The following SPTBN1 variants were observed in gnomAD, a reference collection of about 807,000 sequenced individuals.
SPTBN1 encodes the protein spectrin beta chain, non-erythrocytic 1.
Under a neutral mutation model 266.4 loss-of-function variants are expected in SPTBN1, and 32 were observed. That is an observed-to-expected ratio of 0.12 (90% CI 0.09 to 0.16). The LOEUF is 0.16. Among genes scored for constraint, SPTBN1 ranks in the 10% least tolerant of loss-of-function variants. SPTBN1 has a pLI of 1.00. For synonymous variants in SPTBN1, 1,336 were observed against 1,162.2 expected (o/e 1.15, Z -3.04); for missense variants, 2,296 against 3,067.1 (o/e 0.75, Z 5.94).
At chr2:54,491,122 G>C (rs1339218775) in intron 1 of SPTBN1, among the ~76,000 whole-genome samples, 1 of 152,166 alleles carries the variant, frequency 6.6e-6, no homozygotes, top group African/African-American at 2.4e-5. Flanking sequence ...CAATAATTTG[G>C]TTAAGAAACT....
Position 54,670,343 on chromosome 2 carries a change from T to A in SPTBN1, c.*1774T>A. 5.7e-6 allele frequency: 1 copy of A among 176,668 alleles called. No individual in the cohort carries two copies. The highest frequency in any genetic ancestry group is 1.2e-5 in the Non-Finnish European group (1 of 84,600). 10.9% of individuals were successfully genotyped at this position (176,668 alleles called of 1,614,324 possible). The stretch of plus-strand genomic sequence containing the variant: ...TCTGGGTATGTTGACTCCATGCCAC[T>A]TGCATAAAGCAGCAATGGATATTAG... On this transcript the variant is annotated 3_prime_UTR_variant, in exon 36 of 36. Transcript: ENST00000356805.
At chr2:54,634,770 CAGGAAGTTTCCTG>C (rs1259952195) in intron 17 of SPTBN1, among the ~76,000 whole-genome samples, 1 of 152,226 alleles carries the variant, frequency 6.6e-6, no homozygotes, top group Admixed American at 6.5e-5. Context: ...TGCTTACGTT[CAGGAAGTTTCCTG>C]AGTTGTTGAA....
chr2:54,589,829 T>C (rs1403092968), intron 2 of SPTBN1, among the ~76,000 whole-genome samples: 1 of 152,216 alleles, frequency 6.6e-6, no homozygotes, highest in African/African-American at 2.4e-5. Flanking sequence ...GGGAAATGAT[T>C]TATTTATTTT....
intron 2 of SPTBN1, among the ~76,000 whole-genome samples, chr2:54,598,403 G>A (rs1676247307): frequency 2.0e-5 from 3 of 152,070 alleles, no homozygotes; most frequent in Admixed American, 2.0e-4. Context: ...CTGCTTTCCC[G>A]ATGCCTGCAA....
rs1558775035 is a variant in SPTBN1, at chr2:54,492,338, G to GGTTTTTTTTT, written c.-47-34034_-47-34033insGTTTTTTTTT. On this transcript the variant is annotated intron_variant, in intron 1 of 35. Transcript: ENST00000356805. Reference sequence around the variant, plus strand: ...TTACTGGACATTTAGTTTGTCTGCAGTTGTTTTTTTGTTTTTTTTTTTTTT... The same window carrying GGTTTTTTTTT: ...TTACTGGACATTTAGTTTGTCTGCAGGTTTTTTTTTTTGTTTTTTTGTTTTTTTTTTTTTT... Among the ~76,000 whole-genome samples the GGTTTTTTTTT allele has an allele frequency of 1.6e-4, 19 of 118,112 alleles. 6 individuals are homozygous for GGTTTTTTTTT. The highest frequency in any genetic ancestry group is 5.2e-5 in the Non-Finnish European group (3 of 58,052). 77.5% of individuals were successfully genotyped at this position (118,112 alleles called of 152,430 possible).
intron 3 of SPTBN1, among the ~76,000 whole-genome samples, chr2:54,611,063 G>A (rs1677175461): frequency 6.7e-6 from 1 of 150,362 alleles, no homozygotes; most frequent in African/African-American, 2.4e-5. Context: ...CTCAAATGGT[G>A]CCATTACAAT....
chr2:54,659,008 C>G, intron 30 of SPTBN1, 146 bp from the exon 31 acceptor site: 1 of 759,756 alleles, frequency 1.3e-6, no homozygotes, highest in South Asian at 1.7e-5. Context: ...GAACCTAATT[C>G]CATTTGGCTC....
intron 1 of SPTBN1, among the ~76,000 whole-genome samples, chr2:54,461,542 GC>G (rs1693370040): frequency 6.6e-6 from 1 of 152,200 alleles, no homozygotes; most frequent in Non-Finnish European, 1.5e-5. Context: ...TTTTTACAAA[GC>G]GATTATGTTG....
At position 54,667,740 on chromosome 2, in the gene SPTBN1, G is replaced by A. The variant is rs1681457009; in HGVS notation, c.6876+94G>A. On this transcript the variant is annotated intron_variant, in intron 35 of 35. Transcript: ENST00000356805. ...TATTCAGAAAGTTCTTCATGTAAAT[G>A]ATGATCAGTGATGGTTTCTATCACT... 7.1e-6 allele frequency: 8 copies of A among 1,122,456 alleles called. No individual in the cohort carries two copies. The South Asian group carries it at 1.0e-4, about 15-fold the overall frequency. 69.5% of individuals were successfully genotyped at this position (1,122,456 alleles called of 1,614,324 possible).
At chr2:54,488,909 GTTA>G (rs1668546102) in intron 1 of SPTBN1, among the ~76,000 whole-genome samples, 1 of 152,032 alleles carries the variant, frequency 6.6e-6, no homozygotes, top group Non-Finnish European at 1.5e-5. Flanking sequence ...TAAGAGTACA[GTTA>G]TTATCAGAGA....
chr2:54,637,491 T>C (rs1260910241), intron 17 of SPTBN1, among the ~76,000 whole-genome samples: 2 of 152,194 alleles, frequency 1.3e-5, no homozygotes, highest in African/African-American at 4.8e-5. Context: ...ATGTTCGGCC[T>C]GTTGTGTGGT....
intron 5 of SPTBN1, 102 bp from the exon 6 acceptor site, chr2:54,617,506 T>C (rs1273389920): frequency 9.6e-7 from 1 of 1,042,592 alleles, no homozygotes; most frequent in African/African-American, 1.6e-5. Context: ...TGCTTTAGGT[T>C]TTACAATGCT....
intron 2 of SPTBN1, chr2:54,535,096 G>A (rs530441100): frequency 1.3e-5 from 2 of 152,308 alleles, no homozygotes; most frequent in African/African-American, 4.8e-5. Context: ...GTTGATTTAT[G>A]ACTGAATTAA....
In SPTBN1 at chr2:54,624,796, T is replaced by A; in HGVS notation, c.1183-8T>A. ...TGTTTGTGTGTGTGTGTATTTTCAT[T>A]TTTGTAGGCCTGGGAAAGACTGGAA... On this transcript the variant is annotated splice_region_variant and splice_polypyrimidine_tract_variant and intron_variant, in intron 10 of 35. Coordinates refer to ENST00000356805, the MANE Select transcript of SPTBN1 (RefSeq NM_003128.3). 1 of 1,614,032 alleles carries A rather than the reference T, an allele frequency of 6.2e-7. No homozygotes were observed. Among genetic ancestry groups the A allele is most frequent in the Non-Finnish European group, 8.5e-7 (1 of 1,179,998 alleles).
At chr2:54,469,932 A>T (rs1033470546) in intron 1 of SPTBN1, among the ~76,000 whole-genome samples, 1 of 152,178 alleles carries the variant, frequency 6.6e-6, no homozygotes, top group Non-Finnish European at 1.5e-5. Flanking sequence ...TCTGCCTGCC[A>T]TTTCGGAAGG....
rs11904704 is a variant in SPTBN1, at chr2:54,626,940, A to T, written c.1644+706A>T. On this transcript the variant is annotated intron_variant, in intron 12 of 35. Coordinates refer to ENST00000356805, the MANE Select transcript of SPTBN1 (RefSeq NM_003128.3). This position sits in a 1 kb window ranked among gnomAD's most constrained non-coding sequence, Gnocchi z 4.7. ...GCCCTGTACCTGTTCATGTCCTCCA[A>T]TGCAGGCCATGGAATGCTCAGCCAT... Among the ~76,000 whole-genome samples, 1 of 152,130 alleles carries T rather than the reference A, an allele frequency of 6.6e-6. No homozygotes were observed. The highest frequency in any genetic ancestry group is 2.4e-5 in the African/African-American group (1 of 41,434).
At chr2:54,623,254 G>C (rs1189722712) in intron 9 of SPTBN1, among the ~76,000 whole-genome samples, 2 of 152,198 alleles carry the variant, frequency 1.3e-5, no homozygotes, top group Non-Finnish European at 2.9e-5. Flanking sequence ...ATACAAAAGA[G>C]TATTGCATGC....
chr2:54,651,928 C>G (rs900847497), intron 26 of SPTBN1, among the ~76,000 whole-genome samples: 1 of 152,068 alleles, frequency 6.6e-6, no homozygotes, highest in East Asian at 1.9e-4. Flanking sequence ...CTTTTTTAAC[C>G]TGTTATCACC....
At chr2:54,507,209 G>A (rs764234622) in intron 1 of SPTBN1, among the ~76,000 whole-genome samples, 57 of 152,294 alleles carry the variant, frequency 3.7e-4, no homozygotes, top group Non-Finnish European at 5.4e-4. Context: ...CTTCTTTTGT[G>A]TATCTTCAGT....
Sources: allele counts gnomAD v4.1 joint callset (sites outside exome capture counted in the v4.1 genomes callset), GRCh38; gene constraint gnomAD v4.1.1; non-coding constraint Gnocchi (gnomAD v3.1); transcripts MANE v1.5; gene names NCBI Gene and HGNC (gene_info 2026-07-23, HGNC 2026-07-21).